EIF2AK1: variants seen among roughly 807,000 people sequenced by gnomAD.
EIF2AK1 encodes the protein eukaryotic translation initiation factor 2-alpha kinase 1.
A neutral mutation model predicts 77.9 loss-of-function variants in EIF2AK1; 54 were observed. The ratio of observed to expected loss-of-function variants is 0.69; its 90% CI spans 0.56 to 0.87. The LOEUF is 0.87. Ranked by LOEUF, EIF2AK1 falls within the 40% of genes least tolerant of loss-of-function variation. The probability of loss-of-function intolerance (pLI) is 0.00; values close to 1 mark genes in which losing one functional copy is unlikely to be tolerated. For missense variants in EIF2AK1, 810 were observed against 768.6 expected, an observed-to-expected ratio of 1.05 and a Z score of -0.64; for synonymous variants, 314 against 290.5, an observed-to-expected ratio of 1.08 and a Z score of -0.82.
At chr7:6,058,623 G>A (rs187853132) in intron 1 of EIF2AK1, among the ~76,000 whole-genome samples, 108 of 152,314 alleles carry the variant, frequency 7.1e-4, no homozygotes, top group Non-Finnish European at 1.4e-3. Flanking sequence ...AGTAATGAAA[G>A]AAGATCGTTC....
At chr7:6,046,039 T>C in intron 6 of EIF2AK1, 32 bp downstream of exon 6, 1 of 1,371,988 alleles carries the variant, frequency 7.3e-7, no homozygotes, top group Non-Finnish European at 1.0e-6. Flanking sequence ...AATACACAAT[T>C]ATTCAAAATA....
chr7:6,026,823 C>T lies in EIF2AK1; in HGVS notation c.1669G>A (p.Ala557Thr). Residue 557 changes from alanine (A) to threonine (T), a missense_variant, in exon 14 of 15, where the codon GCC (alanine) becomes ACC (threonine). Ala to Thr is a moderately conservative substitution (Grantham distance 58). Coordinates refer to ENST00000199389, the MANE Select transcript of EIF2AK1 (RefSeq NM_014413.4). ...ESLRKRCPVQ[A>T]KYIQHLTRRN... is the part of the protein sequence containing the mutation. The stretch of plus-strand genomic sequence containing the variant: ...CTCGTTAAGTGCTGGATATACTTGG[C>T]TTGCACTGGACACCTTTTACGGAGG... 6.2e-7 allele frequency: 1 copy of T among 1,614,212 alleles called. No individual in the cohort carries two copies. Among genetic ancestry groups the T allele is most frequent in the Non-Finnish European group, 8.5e-7 (1 of 1,180,038 alleles).
Position 6,041,055 on chromosome 7 carries a change from A to T in EIF2AK1, c.956T>A (p.Leu319His), listed in dbSNP as rs34909691. ...TNLVIRESGELESTLELQENG... is the reference protein window; with the variant it reads ...TNLVIRESGEHESTLELQENG... ...TTCCTGGAGCTCCAGGGTCGACTCA[A>T]GTTCACCAGATTCTCTTATGACTAA... Residue 319 changes from leucine to histidine, a missense_variant, in exon 9 of 15, where the codon CTT becomes CAT. Leu to His is a moderately conservative substitution (Grantham distance 99). Around this residue, in one of 3 missense-constraint regions of EIF2AK1, gnomAD observed 549 missense variants for 533.7 expected, o/e 1.03. Coordinates refer to ENST00000199389, the MANE Select transcript of EIF2AK1 (RefSeq NM_014413.4). 0.017 allele frequency: 28,157 copies of T among 1,614,106 alleles called. 354 individuals carry two copies. Among genetic ancestry groups the T allele is most frequent in the Middle Eastern group, 0.07 (425 of 6,062 alleles).
chr7:6,028,914 T>C lies in EIF2AK1; in HGVS notation c.1447+4A>G. ...AAGAAAACAAAACAAAACCAAAAAC[T>C]TACTCTTCCCGTTTCTGTTGGTCCA... On this transcript the variant is annotated splice_donor_region_variant and intron_variant, in intron 12 of 14. Coordinates refer to ENST00000199389, the MANE Select transcript of EIF2AK1 (RefSeq NM_014413.4). 6.3e-7 allele frequency: 1 copy of C among 1,595,292 alleles called. No homozygotes were observed. Among genetic ancestry groups the C allele is most frequent in the Middle Eastern group, 1.7e-4 (1 of 5,976 alleles).
chr7:6,044,425 G>A (rs1051762299), intron 7 of EIF2AK1, 137 bp downstream of exon 7: 1 of 662,724 alleles, frequency 1.5e-6, no homozygotes, highest in Non-Finnish European at 2.5e-6. Flanking sequence ...GCGACAGAGT[G>A]AGACTCCGTC....
chr7:6,031,258 T>G, intron 11 of EIF2AK1: 1 of 987,170 alleles, frequency 1.0e-6, no homozygotes, highest in Non-Finnish European at 1.5e-6. Flanking sequence ...CCTTCACAGA[T>G]CCAATTCTCG....
In EIF2AK1 at chr7:6,055,342, C is replaced by CAAAAA. The variant is rs58804557; in HGVS notation, c.119-643_119-639dup. 3.0e-3 allele frequency among the ~76,000 whole-genome samples: 210 copies of CAAAAA among 68,868 alleles called. 3 individuals carry two copies. The highest frequency in any genetic ancestry group is 6.6e-3 in the East Asian group (14 of 2,124). The allele number at this position is 68,868 out of a possible 152,430, so 45.2% of individuals were successfully genotyped here. ...TGGCAACAAGAGCGAAACTCCGTCT[C>CAAAAA]AAAAAAAAAAAAAAAAAAAAAGAAG... On this transcript the variant is annotated intron_variant, in intron 1 of 14. Coordinates refer to ENST00000199389, the MANE Select transcript of EIF2AK1 (RefSeq NM_014413.4).
intron 1 of EIF2AK1, among the ~76,000 whole-genome samples, chr7:6,056,488 G>C (rs1441864847): frequency 1.3e-5 from 2 of 148,890 alleles, no homozygotes; most frequent in South Asian, 4.2e-4. Flanking sequence ...CAGCTACTCC[G>C]GTGGCTGAGG....
At position 6,024,625 on chromosome 7, in the gene EIF2AK1, A is replaced by T. The variant is rs1787684470; in HGVS notation, c.*48T>A. 1 of 1,612,258 alleles carries T rather than the reference A, an allele frequency of 6.2e-7. No homozygotes were observed. The highest frequency in any genetic ancestry group is 8.5e-7 in the Non-Finnish European group (1 of 1,179,380). Reference sequence around the variant, plus strand: ...TTGTACCAACTATACCCTAATAAAGATTAAAAATTTACATTCCAGTTAACT... The same window carrying T: ...TTGTACCAACTATACCCTAATAAAGTTTAAAAATTTACATTCCAGTTAACT... On this transcript the variant is annotated 3_prime_UTR_variant, in exon 15 of 15. Coordinates refer to ENST00000199389, the MANE Select transcript of EIF2AK1 (RefSeq NM_014413.4).
chr7:6,028,568 G>A, intron 13 of EIF2AK1, 47 bp downstream of exon 13: 1 of 1,580,598 alleles, frequency 6.3e-7, no homozygotes, highest in Non-Finnish European at 8.7e-7. Context: ...TGTTATTTAA[G>A]ACTGCAGAAT....
Position 6,042,939 on chromosome 7 carries a change from T to G in EIF2AK1, c.785A>C (p.Glu262Ala), listed in dbSNP as rs1049210058. 6.2e-7 allele frequency: 1 copy of G among 1,613,874 alleles called. No individual in the cohort carries two copies. Among genetic ancestry groups the G allele is most frequent in the Non-Finnish European group, 8.5e-7 (1 of 1,179,890 alleles). The stretch of plus-strand genomic sequence containing the variant: ...AATATGTAAAAGGACATACCTGTCC[T>G]CTTCCTGGTCGGAGAGCACTTCCAG... ...PSLEVLSDQE[E>A]DREQCGVKND... Residue 262 changes from glutamate to alanine, a missense_variant, in exon 8 of 15, where the codon GAG (glutamate) becomes GCG (alanine). Physicochemically the swap from Glu to Ala is moderately radical, Grantham distance 107. Coordinates refer to ENST00000199389, the MANE Select transcript of EIF2AK1 (RefSeq NM_014413.4).
intron 13 of EIF2AK1, 32 bp from the exon 14 acceptor site, chr7:6,026,993 T>C: frequency 6.4e-7 from 1 of 1,555,016 alleles, no homozygotes; most frequent in Non-Finnish European, 8.9e-7. Flanking sequence ...AACTCAGTAG[T>C]GAAATACAAA....
chr7:6,048,807 C>T lies in EIF2AK1; in HGVS notation c.449G>A (p.Arg150Lys). 2 of 1,583,954 alleles carry T rather than the reference C, an allele frequency of 1.3e-6. No individual in the cohort carries two copies. The highest frequency in any genetic ancestry group is 1.2e-5 in the South Asian group (1 of 83,332). Residue 150 changes from arginine to lysine, a missense_variant and splice_region_variant, in exon 4 of 15, where the codon AGA becomes AAA. Transcript: ENST00000199389. ...CEDISRIQKIRSREVALEAQT... is the reference protein window; with the variant it reads ...CEDISRIQKIKSREVALEAQT... ...AATCAAGAAAGTTTTTCACACATACCTGATTTTCTGGATACGAGAAATATC... is the reference window on the plus strand; with the variant it reads ...AATCAAGAAAGTTTTTCACACATACTTGATTTTCTGGATACGAGAAATATC...
intron 9 of EIF2AK1, 56 bp from the exon 10 acceptor site, chr7:6,038,727 A>C (rs977855699): frequency 2.1e-6 from 3 of 1,444,974 alleles, no homozygotes; most frequent in Admixed American, 3.8e-5. Context: ...CGCATTATTC[A>C]TTTAGCCAAC....
chr7:6,051,117 G>A (rs145937006), intron 2 of EIF2AK1, among the ~76,000 whole-genome samples: 70 of 152,262 alleles, frequency 4.6e-4, no homozygotes, highest in Non-Finnish European at 7.2e-4. Flanking sequence ...ACCATTCATC[G>A]TCACGAAATA....
intron 4 of EIF2AK1, 74 bp downstream of exon 4, chr7:6,048,733 C>T: frequency 8.2e-7 from 1 of 1,220,538 alleles, no homozygotes; most frequent in African/African-American, 1.5e-5. Flanking sequence ...TATGTTTTAA[C>T]CTCAAATCAG....
Position 6,032,135 on chromosome 7 carries a change from C to A in EIF2AK1, c.1333-3103G>T, listed in dbSNP as rs760285105. The stretch of plus-strand genomic sequence containing the variant: ...GTTGCAGTGAGCCAAGATCGTACCA[C>A]TGCACTCTCTAGCCTGGATGACAGA... On this transcript the variant is annotated intron_variant, in intron 11 of 14. Coordinates refer to ENST00000199389, the MANE Select transcript of EIF2AK1 (RefSeq NM_014413.4). The surrounding 1 kb of genome is among the most constrained non-coding windows in gnomAD (Gnocchi z 4.3). Among the ~76,000 whole-genome samples, 1 of 152,198 alleles carries A rather than the reference C, an allele frequency of 6.6e-6. No homozygotes were observed. The highest frequency in any genetic ancestry group is 1.5e-5 in the Non-Finnish European group (1 of 68,038).
At position 6,039,614 on chromosome 7, in the gene EIF2AK1, C is replaced by T. The variant is rs534789874; in HGVS notation, c.1120-943G>A. On this transcript the variant is annotated intron_variant, in intron 9 of 14. Coordinates refer to ENST00000199389, the MANE Select transcript of EIF2AK1 (RefSeq NM_014413.4). ...CCAGCCTGGGTGACAGAGCAAGACT[C>T]CATCTCCAAAAAAAAAAAAAAAAAA... 2.3e-3 allele frequency among the ~76,000 whole-genome samples: 263 copies of T among 114,100 alleles called. 1 individual carries two copies. The highest frequency in any genetic ancestry group is 9.0e-3 in the African/African-American group (241 of 26,768). The allele number at this position is 114,100 out of a possible 152,430, so 74.9% of individuals were successfully genotyped here.
rs1197603640 is a variant in EIF2AK1, at chr7:6,042,966, G to A, written c.758C>T (p.Ser253Phe). 3 of 1,614,016 alleles carry A rather than the reference G, an allele frequency of 1.9e-6. No individual in the cohort carries two copies. The East Asian group carries it at 6.7e-5, about 36-fold the overall frequency. Residue 253 changes from serine to phenylalanine, a missense_variant, in exon 8 of 15, where the codon TCT becomes TTT. Ser to Phe is a radical substitution (Grantham distance 155, BLOSUM62 -2). Around this residue, in one of 3 missense-constraint regions of EIF2AK1, gnomAD observed 549 missense variants for 533.7 expected, o/e 1.03. Transcript: ENST00000199389. ...RADRAAIELP[S>F]LEVLSDQEED... Reference sequence around the variant, plus strand: ...TTCCTGGTCGGAGAGCACTTCCAGAGATGGCAACTCAATGGCAGCTCTGTC... The same window carrying A: ...TTCCTGGTCGGAGAGCACTTCCAGAAATGGCAACTCAATGGCAGCTCTGTC...
Sources: gnomAD v4.1 joint callset for allele counts (sites outside exome capture counted in the v4.1 genomes callset) on GRCh38, gnomAD v4.1.1 for gene constraint, gnomAD v4.1.1 regional missense constraint, Gnocchi (gnomAD v3.1) non-coding constraint, MANE v1.5 for transcripts, NCBI Gene and HGNC (gene_info 2026-07-23, HGNC 2026-07-21) for gene names.